Variants in BLOC1S1 observed in about 807,000 individuals in gnomAD.
BLOC1S1 encodes the protein biogenesis of lysosome-related organelles complex 1 subunit 1.
A neutral mutation model predicts 19.0 loss-of-function variants in BLOC1S1; 11 were observed. That is an observed-to-expected ratio of 0.58 (90% confidence interval 0.37 to 0.96). The LOEUF (loss-of-function observed/expected upper bound fraction) is 0.96. Among genes scored for constraint, BLOC1S1 ranks in the 40% least tolerant of loss-of-function variants. The pLI is 0.01. For missense variants in BLOC1S1, 220 were observed against 195.9 expected (o/e 1.12, Z -0.73); for synonymous variants, 94 against 76.4 (o/e 1.23, Z -1.20).
intron 3 of BLOC1S1, 55 bp downstream of exon 3, chr12:55,719,278 C>T (rs755399384): frequency 1.1e-5 from 18 of 1,613,536 alleles, no homozygotes; most frequent in Non-Finnish European, 1.4e-5. Context: ...TTGGCTGCCT[C>T]CAGTCAGGTT....
Position 55,716,072 on chromosome 12 carries a change from T to C in BLOC1S1, c.21T>C (p.Gly7=). The C allele has an allele frequency of 6.4e-7, 1 of 1,569,338 alleles. No individual in the cohort carries two copies. The highest frequency in any genetic ancestry group is 8.6e-7 in the Non-Finnish European group (1 of 1,158,106). Residue 7 remains glycine, a synonymous_variant, in exon 1 of 4, where the codon GGT becomes GGC. Transcript: ENST00000548925. The part of the protein sequence containing the change: MAPGSR[G]ERSSFRSRRG... ...GTGACATGGCCCCGGGGAGCCGAGG[T>C]GAGCGTTCCAGCTTCCGGAGCCGGA...
At chr12:55,718,178 C>T (rs1876716531) in intron 2 of BLOC1S1, among the ~76,000 whole-genome samples, 1 of 152,224 alleles carries the variant, frequency 6.6e-6, no homozygotes, top group Admixed American at 6.5e-5. Flanking sequence ...AAAACAAAGG[C>T]TCAGTCTATC....
chr12:55,719,483 C>T lies in BLOC1S1; in HGVS notation c.352-16C>T. 6.2e-7 allele frequency: 1 copy of T among 1,611,132 alleles called. No homozygotes were observed. Among genetic ancestry groups the T allele is most frequent in the Non-Finnish European group, 8.5e-7 (1 of 1,177,212 alleles). On this transcript the variant is annotated splice_polypyrimidine_tract_variant and intron_variant, in intron 3 of 3. Transcript: ENST00000548925. ...ATTCTGATTCCTGGGCTCCCACCTC[C>T]TCTCCCCCTTCCCAGGAAATTGGGG...
At chr12:55,716,333 T>C in intron 1 of BLOC1S1, 137 bp downstream of exon 1, 2 of 1,481,768 alleles carry the variant, frequency 1.3e-6, no homozygotes, top group South Asian at 1.3e-5. Flanking sequence ...AGAGGGAATT[T>C]CAGAGAGGCT....
intron 1 of BLOC1S1, 107 bp downstream of exon 1, chr12:55,716,303 G>T: frequency 2.0e-6 from 3 of 1,515,538 alleles, no homozygotes; most frequent in Non-Finnish European, 2.6e-6. Flanking sequence ...ACGCCAGCTA[G>T]CGGGCAACGG....
chr12:55,716,256 G>T, intron 1 of BLOC1S1, 60 bp downstream of exon 1: 1 of 1,555,656 alleles, frequency 6.4e-7, no homozygotes, highest in Non-Finnish European at 8.7e-7. Flanking sequence ...TCAGCCCGGA[G>T]CCTGGATCTC....
rs1332859747 is a variant in BLOC1S1 at position 55,719,543 on chromosome 12, C to G, written c.396C>G (p.Asp132Glu). ...VENWARSIELDMRTIATALEY... is the reference protein window; with the variant it reads ...VENWARSIELEMRTIATALEY... ...ACTGGGCTCGGAGCATCGAGCTGGA[C>G]ATGCGCACCATTGCCACTGCACTGG... The change falls in exon 4 of 4, where the codon GAC becomes GAG. Residue 132 changes from aspartate (D) to glutamate (E), a missense_variant. Coordinates refer to ENST00000548925, the MANE Select transcript of BLOC1S1 (RefSeq NM_001487.4). 1 of 1,614,216 alleles carries G rather than the reference C, an allele frequency of 6.2e-7. No homozygotes were observed. The highest frequency in any genetic ancestry group is 1.7e-5 in the Admixed American group (1 of 60,028).
chr12:55,717,763 G>C (rs1876683194), intron 2 of BLOC1S1, among the ~76,000 whole-genome samples: 1 of 152,186 alleles, frequency 6.6e-6, no homozygotes, highest in African/African-American at 2.4e-5. Context: ...CTCATCTTGG[G>C]GGAAGGTTGA....
intron 2 of BLOC1S1, among the ~76,000 whole-genome samples, chr12:55,717,301 C>A (rs886983282): frequency 6.6e-6 from 1 of 152,192 alleles, no homozygotes; most frequent in South Asian, 2.1e-4. Flanking sequence ...TTCACCCTTC[C>A]AAGTCCAGCT....
chr12:55,717,360 C>T (rs1334222794), intron 2 of BLOC1S1, among the ~76,000 whole-genome samples: 3 of 152,340 alleles, frequency 2.0e-5, no homozygotes, highest in Non-Finnish European at 4.4e-5. Context: ...AGCTTACCAC[C>T]CTCTCCTCTG....
chr12:55,716,167 C>T lies in BLOC1S1; in HGVS notation c.116C>T (p.Ala39Val), dbSNP rs777056760. 7 of 1,612,412 alleles carry T rather than the reference C, an allele frequency of 4.3e-6. No individual in the cohort carries two copies. Among genetic ancestry groups the T allele is most frequent in the Non-Finnish European group, 5.9e-6 (7 of 1,179,190 alleles). The change falls in exon 1 of 4, where the codon GCC becomes GTC. Residue 39 changes from alanine to valine, a missense_variant. By Grantham distance (64) the Ala-to-Val change is moderately conservative. Coordinates refer to ENST00000548925, the MANE Select transcript of BLOC1S1 (RefSeq NM_001487.4). ...MLSRLLKEHQ[A>V]KQNERKELQE... ...TCCCGCCTCCTAAAAGAACACCAGG[C>T]CAAGCAGAATGAACGCAAGGAGCTG...
At chr12:55,716,421 A>C in intron 1 of BLOC1S1, 6 of 1,361,210 alleles carry the variant, frequency 4.4e-6, no homozygotes, top group African/African-American at 1.5e-5. Flanking sequence ...AACGCCCCCA[A>C]TCCCCGACCT....
chr12:55,718,311 C>T (rs1014202436), intron 2 of BLOC1S1, among the ~76,000 whole-genome samples: 5 of 152,118 alleles, frequency 3.3e-5, no homozygotes, highest in African/African-American at 1.2e-4. Context: ...GAGTAGAGCT[C>T]TGGGGTGGGA....
rs141270808 is a variant in BLOC1S1 at position 55,716,195 on chromosome 12, G to A, written c.144G>A (p.Gln48=). 5.6e-4 allele frequency: 895 copies of A among 1,608,246 alleles called. No individual in the cohort carries two copies. Among genetic ancestry groups the A allele is most frequent in the Non-Finnish European group, 7.0e-4 (819 of 1,177,268 alleles). ...AGCAGAATGAACGCAAGGAGCTGCA[G>A]GGTGAGCCAAATATCCTGTCGGCCG... ...QAKQNERKEL[Q]EKRRREAITA... Residue 48 remains glutamine (Q), a splice_region_variant and synonymous_variant, in exon 1 of 4, where the codon CAG becomes CAA. Coordinates refer to ENST00000548925, the MANE Select transcript of BLOC1S1 (RefSeq NM_001487.4).
chr12:55,716,066 C>A lies in BLOC1S1; in HGVS notation c.15C>A (p.Ser5Arg). The change falls in exon 1 of 4, where the codon AGC becomes AGA. Residue 5 changes from serine (S) to arginine (R), a missense_variant. Physicochemically the swap from Ser to Arg is moderately radical, Grantham distance 110. Coordinates refer to ENST00000548925, the MANE Select transcript of BLOC1S1 (RefSeq NM_001487.4). MAPG[S>R]RGERSSFRSR... The stretch of plus-strand genomic sequence containing the variant: ...GGTCACGTGACATGGCCCCGGGGAG[C>A]CGAGGTGAGCGTTCCAGCTTCCGGA... The A allele has an allele frequency of 6.4e-7, 1 of 1,563,726 alleles. No individual in the cohort carries two copies. Among genetic ancestry groups the A allele is most frequent in the South Asian group, 1.2e-5 (1 of 85,616 alleles).
In BLOC1S1 at chr12:55,719,216, CACTCAAGGTGGGCCAT is replaced by C; in HGVS notation, c.349_351+13del. On this transcript the variant is annotated splice_donor_variant and splice_donor_5th_base_variant and coding_sequence_variant and intron_variant, in exon 3 of 4. Coordinates refer to ENST00000548925, the MANE Select transcript of BLOC1S1 (RefSeq NM_001487.4). LOFTEE classifies it high-confidence loss of function. ...GGAATGGTGGAGAACTTCAACCAGG[CACTCAAGGTGGGCCAT>C]ACTCCCTACCTCACCACCCCAATCC... is the stretch of plus-strand genomic sequence containing the variant. 7 of 1,614,002 alleles carry C rather than the reference CACTCAAGGTGGGCCAT, an allele frequency of 4.3e-6. No individual in the cohort carries two copies. Among genetic ancestry groups the C allele is most frequent in the Non-Finnish European group, 5.9e-6 (7 of 1,180,020 alleles).
chr12:55,716,413 C>A, intron 1 of BLOC1S1: 2 of 1,383,372 alleles, frequency 1.4e-6, no homozygotes, highest in Non-Finnish European at 1.9e-6. Context: ...CCCTCGGCAA[C>A]GCCCCCAATC....
At chr12:55,716,689 C>T (rs1876569473) in intron 1 of BLOC1S1, 2 of 1,306,100 alleles carry the variant, frequency 1.5e-6, no homozygotes, top group Non-Finnish European at 9.7e-7. Context: ...GAGTCCTGGG[C>T]GCTGCCGCTG....
In BLOC1S1 at chr12:55,716,073, G is replaced by T; in HGVS notation, c.22G>T (p.Glu8Ter). The T allele has an allele frequency of 1.3e-6, 2 of 1,570,832 alleles. No individual in the cohort carries two copies. The highest frequency in any genetic ancestry group is 1.7e-6 in the Non-Finnish European group (2 of 1,158,874). The change falls in exon 1 of 4, where the codon GAG becomes TAG. Residue 8 changes from glutamate to a stop codon, truncating the protein, a stop_gained. Coordinates refer to ENST00000548925, the MANE Select transcript of BLOC1S1 (RefSeq NM_001487.4). LOFTEE classifies it high-confidence loss of function. MAPGSRG[E>*]RSSFRSRRGP... ...TGACATGGCCCCGGGGAGCCGAGGT[G>T]AGCGTTCCAGCTTCCGGAGCCGGAG...
Sources: gnomAD v4.1 joint callset for allele counts (sites outside exome capture counted in the v4.1 genomes callset) on GRCh38, gnomAD v4.1.1 for gene constraint, MANE v1.5 for transcripts, NCBI Gene and HGNC (gene_info 2026-07-23, HGNC 2026-07-21) for gene names.